The following VWA8 variants were observed in gnomAD, a reference collection of about 807,000 sequenced individuals.
VWA8 encodes von Willebrand factor A domain-containing protein 8.
A neutral mutation model predicts 241.5 loss-of-function variants in VWA8; 221 were observed. That is an observed-to-expected ratio of 0.91 (90% CI 0.82 to 1.02). The LOEUF (loss-of-function observed/expected upper bound fraction) is 1.02. Among genes scored for constraint, VWA8 ranks in the 50% least tolerant of loss-of-function variants. The pLI is 0.00. For missense variants in VWA8, 2,322 were observed against 2,328.7 expected (o/e 1.00, Z 0.06); for synonymous variants, 852 against 827.1 (o/e 1.03, Z -0.52).
At chr13:41,619,608 G>A (rs2044643851) in intron 37 of VWA8, among the ~76,000 whole-genome samples, 1 of 152,136 alleles carries the variant, frequency 6.6e-6, no homozygotes, top group Non-Finnish European at 1.5e-5. Context: ...CTGTGGGTTT[G>A]TCATACATAG....
At chr13:41,830,017 C>A (rs533527469) in intron 14 of VWA8, among the ~76,000 whole-genome samples, 3 of 152,078 alleles carry the variant, frequency 2.0e-5, no homozygotes, top group East Asian at 3.9e-4. Context: ...CCAAGGCGGG[C>A]GGATCACGAG....
chr13:41,611,536 A>G lies in VWA8; in HGVS notation c.4877+40T>C, dbSNP rs116059582. On this transcript the variant is annotated intron_variant, in intron 39 of 44. Transcript: ENST00000379310. ...CCACAGTCCATCATGACATTTCACC[A>G]TAGCAGTAGTGCTGGTCTAAATGTG... 292 of 1,602,862 alleles carry G rather than the reference A, an allele frequency of 1.8e-4. No homozygotes were observed. The African/African-American group carries it at 3.5e-3, about 19-fold the overall frequency.
intron 14 of VWA8, among the ~76,000 whole-genome samples, chr13:41,823,550 C>A (rs1414072321): frequency 6.6e-6 from 1 of 152,102 alleles, no homozygotes; most frequent in Non-Finnish European, 1.5e-5. Flanking sequence ...TTTATACTCC[C>A]CCTTTCCCTA....
At chr13:41,940,313 T>A (rs994569221) in intron 2 of VWA8, among the ~76,000 whole-genome samples, 1 of 152,118 alleles carries the variant, frequency 6.6e-6, no homozygotes, top group Admixed American at 6.5e-5. Flanking sequence ...AAAGCAATAA[T>A]CTTTTTAGAA....
intron 21 of VWA8, 71 bp from the exon 22 acceptor site, chr13:41,732,226 G>T: frequency 7.2e-7 from 1 of 1,386,196 alleles, no homozygotes; most frequent in Non-Finnish European, 9.9e-7. Flanking sequence ...TAAAAATACA[G>T]CACAGGTGCA....
chr13:41,573,570 A>T lies in VWA8; in HGVS notation c.5370+2170T>A, dbSNP rs149956873. On this transcript the variant is annotated intron_variant, in intron 43 of 44. Coordinates refer to ENST00000379310, the MANE Select transcript of VWA8 (RefSeq NM_015058.2). The stretch of plus-strand genomic sequence containing the variant: ...ATATAAAATATATACACGTATATAT[A>T]TGTATATATATAAAATATATATACA... Among the ~76,000 whole-genome samples the T allele has an allele frequency of 7.2e-3, 1,009 of 140,280 alleles. 12 individuals carry two copies. Among genetic ancestry groups the T allele is most frequent in the African/African-American group, 0.024 (875 of 35,896 alleles). The allele number at this position is 140,280 out of a possible 152,430, so 92.0% of individuals were successfully genotyped here.
rs138232340 is a variant in VWA8, at chr13:41,668,725, T to G, written c.4611+2221A>C. On this transcript the variant is annotated intron_variant, in intron 37 of 44. Coordinates refer to ENST00000379310, the MANE Select transcript of VWA8 (RefSeq NM_015058.2). ...GAAGAAGAGAGATATGACAAAAAAT[T>G]AAAACAATGATAGATTATTAAGACA... is the stretch of plus-strand genomic sequence containing the variant. Among the ~76,000 whole-genome samples, 451 of 152,258 alleles carry G rather than the reference T, an allele frequency of 3.0e-3. 2 individuals are homozygous for G. The highest frequency in any genetic ancestry group is 0.01 in the African/African-American group (422 of 41,544).
intron 21 of VWA8, among the ~76,000 whole-genome samples, chr13:41,755,759 A>C (rs960286310): frequency 1.3e-5 from 2 of 151,892 alleles, no homozygotes; most frequent in Non-Finnish European, 2.9e-5. Context: ...ATTCAAATAC[A>C]GAGCTAAGAA....
At chr13:41,774,465 TTTAAAATC>T (rs1868493979) in intron 20 of VWA8, among the ~76,000 whole-genome samples, 1 of 152,236 alleles carries the variant, frequency 6.6e-6, no homozygotes. Flanking sequence ...CAGATAGTCC[TTTAAAATC>T]TACTAATTAA....
chr13:41,572,797 T>TAAAAAAAAAAAAAAAA (rs869088660), intron 43 of VWA8, among the ~76,000 whole-genome samples: 1 of 67,784 alleles, frequency 1.5e-5, no homozygotes. Flanking sequence ...CAATAAATAC[T>TAAAAAAAAAAAAAAAA]AAAAAAAAAA....
chr13:41,676,697 A>G (rs1285006197), intron 35 of VWA8, among the ~76,000 whole-genome samples: 3 of 152,130 alleles, frequency 2.0e-5, no homozygotes, highest in African/African-American at 7.2e-5. Context: ...CAGTGGTGCG[A>G]TCTTGGCTCA....
intron 44 of VWA8, 28 bp downstream of exon 44, chr13:41,570,440 C>CT (rs772044288): frequency 1.3e-6 from 2 of 1,598,546 alleles, no homozygotes; most frequent in Non-Finnish European, 1.7e-6. Context: ...TGTACCTGCC[C>CT]TTTTCTGTAT....
intron 17 of VWA8, among the ~76,000 whole-genome samples, chr13:41,797,687 A>T (rs1276336362): frequency 6.6e-6 from 1 of 152,136 alleles, no homozygotes; most frequent in East Asian, 1.9e-4. Context: ...CTTCATCCCC[A>T]ATCATGCTTT....
At position 41,783,915 on chromosome 13, in the gene VWA8, A is replaced by G; in HGVS notation, c.2171-14T>C. 6.2e-7 allele frequency: 1 copy of G among 1,602,866 alleles called. No homozygotes were observed. ...ATGTTACTTCACCTAAACATTTCAC[A>G]CAGGACGGATAATTATTCATAGCAC... is the stretch of plus-strand genomic sequence containing the variant. On this transcript the variant is annotated splice_polypyrimidine_tract_variant and intron_variant, in intron 18 of 44. Coordinates refer to ENST00000379310, the MANE Select transcript of VWA8 (RefSeq NM_015058.2).
intron 34 of VWA8, 68 bp downstream of exon 34, chr13:41,689,286 C>T: frequency 2.0e-6 from 3 of 1,504,620 alleles, no homozygotes; most frequent in South Asian, 2.7e-5. Context: ...CTCAAACAGG[C>T]TTACAGATTA....
intron 36 of VWA8, among the ~76,000 whole-genome samples, chr13:41,671,746 C>G (rs114952188): frequency 1.5e-3 from 224 of 152,220 alleles, no homozygotes; most frequent in African/African-American, 4.9e-3. Flanking sequence ...CCTTCCCCCC[C>G]ATTCATGTTA....
intron 2 of VWA8, chr13:41,926,836 C>T: frequency 1.8e-6 from 1 of 567,270 alleles, no homozygotes; most frequent in Non-Finnish European, 3.6e-6. Flanking sequence ...ACTGATGAAA[C>T]TTGCAAACTT....
At chr13:41,743,615 C>T (rs903500340) in intron 21 of VWA8, among the ~76,000 whole-genome samples, 1 of 152,178 alleles carries the variant, frequency 6.6e-6, no homozygotes, top group African/African-American at 2.4e-5. Flanking sequence ...TAATTGCTGC[C>T]AAACATATCA....
At chr13:41,617,770 C>T (rs564423607) in intron 37 of VWA8, among the ~76,000 whole-genome samples, 1 of 151,068 alleles carries the variant, frequency 6.6e-6, no homozygotes, top group African/African-American at 2.4e-5. Context: ...ACAGTTTGCT[C>T]AGAATGATGG....
Sources: allele counts gnomAD v4.1 joint callset (sites outside exome capture counted in the v4.1 genomes callset), GRCh38; gene constraint gnomAD v4.1.1; transcripts MANE v1.5; gene names NCBI Gene and HGNC (gene_info 2026-07-23, HGNC 2026-07-21).